Variants in RHBDD1 observed in about 807,000 individuals in gnomAD.
RHBDD1 encodes the protein rhomboid-related protein 4.
In RHBDD1, 38 loss-of-function variants were observed where a neutral mutation model predicts 36.3. The observed-to-expected ratio is 1.05, with a 90% CI of 0.81 to 1.37. The LOEUF is 1.37. RHBDD1 is among the 40% of genes most tolerant of loss of function. The pLI is 0.00. For missense variants in RHBDD1, 393 were observed against 377.6 expected (o/e 1.04, Z -0.34); for synonymous variants, 151 against 136.5 (o/e 1.11, Z -0.74).
At chr2:226,888,637 A>G (rs1451587090) in intron 5 of RHBDD1, among the ~76,000 whole-genome samples, 1 of 151,922 alleles carries the variant, frequency 6.6e-6, no homozygotes, top group East Asian at 1.9e-4. Flanking sequence ...AAGGTGTGGC[A>G]AGGGAAAAAC....
At chr2:226,800,986 C>T in the RHBDD1 span, among the ~76,000 whole-genome samples, 1 of 152,196 alleles carries the variant, frequency 6.6e-6, no homozygotes, top group Non-Finnish European at 1.5e-5. Context: ...TTTAAGCCGA[C>T]CTATAAACAA....
the RHBDD1 span, among the ~76,000 whole-genome samples, chr2:226,827,308 A>T: frequency 6.6e-6 from 1 of 152,182 alleles, no homozygotes; most frequent in Admixed American, 6.5e-5. Context: ...TCCATATTTT[A>T]CACCCATAAT....
At chr2:226,811,464 G>C in the RHBDD1 span, among the ~76,000 whole-genome samples, 1 of 152,136 alleles carries the variant, frequency 6.6e-6, no homozygotes, top group Non-Finnish European at 1.5e-5. Context: ...ACCATGCCCA[G>C]CTAATTTTTT....
intron 5 of RHBDD1, among the ~76,000 whole-genome samples, chr2:226,876,598 G>A (rs562599148): frequency 5.2e-4 from 79 of 152,248 alleles, no homozygotes; most frequent in African/African-American, 1.8e-3. Flanking sequence ...CCATTGGATA[G>A]CCAGTGTTTA....
At chr2:226,951,779 T>C (rs530031028) in intron 8 of RHBDD1, among the ~76,000 whole-genome samples, 1 of 152,362 alleles carries the variant, frequency 6.6e-6, no homozygotes, top group South Asian at 2.1e-4. Flanking sequence ...GAACTAAATA[T>C]ATTCATAGTT....
rs1328465021 is a variant in RHBDD1 at position 226,997,851 on chromosome 2, A to G, written c.*2329A>G. The G allele has an allele frequency of 6.6e-6, 1 of 152,222 alleles. No individual in the cohort carries two copies. Among genetic ancestry groups the G allele is most frequent in the African/African-American group, 2.4e-5 (1 of 41,458 alleles). 9.4% of individuals were successfully genotyped at this position (152,222 alleles called of 1,614,324 possible). A position where few individuals can be genotyped will look rare whatever the true frequency, so the allele number is the denominator to read the frequency against. ...AGATGTTCTGGAAATTATTATAATTATTTTAGTTAATGGACTTGCCTGTAA... is the reference window on the plus strand; with the variant it reads ...AGATGTTCTGGAAATTATTATAATTGTTTTAGTTAATGGACTTGCCTGTAA... On this transcript the variant is annotated 3_prime_UTR_variant, in exon 9 of 9. Transcript: ENST00000392062.
At chr2:226,943,101 G>A (rs1006128563) in intron 8 of RHBDD1, among the ~76,000 whole-genome samples, 1 of 152,120 alleles carries the variant, frequency 6.6e-6, no homozygotes, top group Non-Finnish European at 1.5e-5. Context: ...CCTCAAGGTG[G>A]TCTAGTGTCA....
chr2:226,860,423 A>G lies in RHBDD1; in HGVS notation c.-90-4181A>G, dbSNP rs553161270. ...TTGCCTCTGTGGTCTTTCAGATAGCACAGCACTCTAAAAATTTCTATGTAT... is the reference window on the plus strand; with the variant it reads ...TTGCCTCTGTGGTCTTTCAGATAGCGCAGCACTCTAAAAATTTCTATGTAT... On this transcript the variant is annotated intron_variant, in intron 3 of 8. Coordinates refer to ENST00000392062, the MANE Select transcript of RHBDD1 (RefSeq NM_001167608.3). Among the ~76,000 whole-genome samples, 150 of 152,348 alleles carry G rather than the reference A, an allele frequency of 9.8e-4. 1 individual carries two copies. Among genetic ancestry groups the G allele is most frequent in the African/African-American group, 3.5e-3 (146 of 41,572 alleles).
intron 8 of RHBDD1, among the ~76,000 whole-genome samples, chr2:226,984,446 C>G (rs1277073370): frequency 1.3e-5 from 2 of 152,122 alleles, no homozygotes; most frequent in African/African-American, 4.8e-5. Flanking sequence ...ATAAGTTTAC[C>G]AATGCCATCA....
intron 8 of RHBDD1, among the ~76,000 whole-genome samples, chr2:226,984,295 C>T (rs1012287064): frequency 1.1e-4 from 17 of 152,198 alleles, no homozygotes; most frequent in African/African-American, 3.9e-4. Context: ...ATTTATTTCT[C>T]ACGGTTCTGG....
chr2:226,820,570 G>T, the RHBDD1 span, among the ~76,000 whole-genome samples: 1 of 150,406 alleles, frequency 6.6e-6, no homozygotes, highest in African/African-American at 2.4e-5. Context: ...AACTTTGGGA[G>T]GCTATGGCGG....
chr2:226,892,816 AAAC>A lies in RHBDD1; in HGVS notation c.567-13972_567-13970del, dbSNP rs138735572. Among the ~76,000 whole-genome samples the A allele has an allele frequency of 4.5e-3, 693 of 152,320 alleles. 6 individuals carry two copies. Among genetic ancestry groups the A allele is most frequent in the African/African-American group, 0.016 (659 of 41,566 alleles). On this transcript the variant is annotated intron_variant, in intron 5 of 8. Transcript: ENST00000392062. ...ACGTTGGAATTTCCTGGGGAATTAA[AAAC>A]AACATTTCAAAAAAATCACTAAACA...
chr2:226,925,020 G>A (rs965289285), intron 8 of RHBDD1, among the ~76,000 whole-genome samples: 11 of 152,210 alleles, frequency 7.2e-5, no homozygotes, highest in African/African-American at 1.4e-4. Flanking sequence ...TAGTTCTTCA[G>A]TTTGGTGTTC....
intron 8 of RHBDD1, among the ~76,000 whole-genome samples, chr2:226,987,648 G>A (rs1957293773): frequency 6.6e-6 from 1 of 152,188 alleles, no homozygotes; most frequent in African/African-American, 2.4e-5. Context: ...CCCCCCTCTG[G>A]GTACAGATGA....
chr2:226,821,956 T>C, the RHBDD1 span, among the ~76,000 whole-genome samples: 2 of 152,196 alleles, frequency 1.3e-5, no homozygotes, highest in Non-Finnish European at 2.9e-5. Context: ...CGTGTTATTA[T>C]GTCATCTTAT....
intron 3 of RHBDD1, among the ~76,000 whole-genome samples, chr2:226,841,829 G>A (rs1044025894): frequency 1.3e-5 from 2 of 152,116 alleles, no homozygotes; most frequent in African/African-American, 4.8e-5. Context: ...GCAATGCTGG[G>A]TCTAATGGTA....
At chr2:226,908,969 C>A in intron 7 of RHBDD1, 91 bp downstream of exon 7, 1 of 828,868 alleles carries the variant, frequency 1.2e-6, no homozygotes, top group Non-Finnish European at 2.0e-6. Context: ...CTACTAGTTT[C>A]TGCTGTGGTA....
At chr2:226,983,696 G>A (rs1299982683) in intron 8 of RHBDD1, among the ~76,000 whole-genome samples, 3 of 152,040 alleles carry the variant, frequency 2.0e-5, no homozygotes, top group African/African-American at 7.2e-5. Flanking sequence ...GTTAAGGAGT[G>A]TTTTAAGAAG....
intron 8 of RHBDD1, among the ~76,000 whole-genome samples, chr2:226,937,067 C>A (rs1950378113): frequency 6.6e-6 from 1 of 152,070 alleles, no homozygotes; most frequent in Admixed American, 6.6e-5. Flanking sequence ...TCAAGTTATT[C>A]ATATAATTTT....
Sources: gnomAD v4.1 joint callset for allele counts (sites outside exome capture counted in the v4.1 genomes callset) on GRCh38, gnomAD v4.1.1 for gene constraint, MANE v1.5 for transcripts, NCBI Gene and HGNC (gene_info 2026-07-23, HGNC 2026-07-21) for gene names.